Variants in UNC13C observed in about 807,000 individuals in gnomAD.
The protein encoded by UNC13C is unc-13 homolog C.
A neutral mutation model predicts 245.4 loss-of-function variants in UNC13C; 174 were observed. That is an observed-to-expected ratio of 0.71 (90% CI 0.63 to 0.80). The LOEUF (loss-of-function observed/expected upper bound fraction) is 0.80, where lower values mean the gene tolerates loss of function less well. Among genes scored for constraint, UNC13C ranks in the 30% least tolerant of loss-of-function variants. UNC13C has a pLI of 0.00. For missense variants in UNC13C, 2,829 were observed against 2,602.9 expected (o/e 1.09, Z -1.89); for synonymous variants, 992 against 895.1 (o/e 1.11, Z -1.93).
rs1390654479 is a variant in UNC13C, at chr15:54,623,926, T to A, written c.6331T>A (p.Ser2111Thr). 3 of 1,613,086 alleles carry A rather than the reference T, an allele frequency of 1.9e-6. No homozygotes were observed. The highest frequency in any genetic ancestry group is 2.5e-6 in the Non-Finnish European group (3 of 1,179,382). The change falls in exon 32 of 33, where the codon TCA becomes ACA. Residue 2111 changes from serine to threonine, a missense_variant. Ser to Thr is a moderately conservative substitution (Grantham distance 58). Coordinates refer to ENST00000260323, the MANE Select transcript of UNC13C (RefSeq NM_001080534.3). ...CACAAAAACAAAAAGCAACACATGGTCACCAAAGTACAATGAAACATTTCA... is the reference window on the plus strand; with the variant it reads ...CACAAAAACAAAAAGCAACACATGGACACCAAAGTACAATGAAACATTTCA... ...QGTKTKSNTW[S>T]PKYNETFQFI...
chr15:54,436,333 T>A (rs1179744219), intron 19 of UNC13C, among the ~76,000 whole-genome samples: 1 of 152,046 alleles, frequency 6.6e-6, no homozygotes, highest in Non-Finnish European at 1.5e-5. Flanking sequence ...GGATTATAAA[T>A]CATTCTGCTA....
At chr15:54,501,481 G>A (rs1894211674) in intron 22 of UNC13C, among the ~76,000 whole-genome samples, 1 of 152,102 alleles carries the variant, frequency 6.6e-6, no homozygotes, top group Non-Finnish European at 1.5e-5. Context: ...GATAAACCAA[G>A]TTCATCTTAA....
chr15:53,935,019 A>G, the UNC13C span, among the ~76,000 whole-genome samples: 4 of 152,186 alleles, frequency 2.6e-5, no homozygotes, highest in Non-Finnish European at 5.9e-5. Flanking sequence ...TATTTTACAT[A>G]TGAAGGAGCC....
intron 18 of UNC13C, among the ~76,000 whole-genome samples, chr15:54,402,953 G>A (rs2040217129): frequency 6.6e-6 from 1 of 152,116 alleles, no homozygotes; most frequent in Admixed American, 6.6e-5. Flanking sequence ...ACCATATCAG[G>A]ATTTGTAGAG....
chr15:54,596,626 C>T (rs892119016), intron 30 of UNC13C, among the ~76,000 whole-genome samples: 2 of 152,118 alleles, frequency 1.3e-5, no homozygotes, highest in Admixed American at 6.5e-5. Context: ...TTTTCCAACT[C>T]GCATGTTGAC....
At chr15:53,861,474 A>C in the UNC13C span, among the ~76,000 whole-genome samples, 2 of 152,092 alleles carry the variant, frequency 1.3e-5, no homozygotes, top group African/African-American at 4.8e-5. Context: ...TCTTTCTATC[A>C]TAATAAAAAT....
chr15:54,501,538 T>C lies in UNC13C; in HGVS notation c.5301+560T>C, dbSNP rs370656564. Among the ~76,000 whole-genome samples the C allele has an allele frequency of 2.0e-4, 31 of 152,284 alleles. 1 individual carries two copies. The East Asian group carries it at 5.4e-3, about 27-fold the overall frequency. On this transcript the variant is annotated intron_variant, in intron 22 of 32. Transcript: ENST00000260323. Reference sequence around the variant, plus strand: ...CTAAAATGGCTTACCATGTGCTTACTACTTTCCCAAGAGTTTCAAGGGAAA... The same window carrying C: ...CTAAAATGGCTTACCATGTGCTTACCACTTTCCCAAGAGTTTCAAGGGAAA...
chr15:54,321,603 AG>A (rs1286706294), intron 13 of UNC13C: 1 of 365,582 alleles, frequency 2.7e-6, no homozygotes, highest in African/African-American at 2.1e-5. Flanking sequence ...CTTTTTTCAA[AG>A]CTTAACCCTC....
intron 4 of UNC13C, among the ~76,000 whole-genome samples, chr15:54,162,616 C>T (rs986758071): frequency 1.3e-5 from 2 of 152,182 alleles, no homozygotes; most frequent in Admixed American, 1.3e-4. Flanking sequence ...TCCATTGAGA[C>T]CAGCTCCAGG....
At chr15:53,909,951 T>C in the UNC13C span, among the ~76,000 whole-genome samples, 2 of 145,470 alleles carry the variant, frequency 1.4e-5, no homozygotes, top group South Asian at 4.6e-4. Flanking sequence ...TAGTTTTCTT[T>C]CTTTGATGAA....
intron 2 of UNC13C, among the ~76,000 whole-genome samples, chr15:54,124,799 A>T (rs1163793629): frequency 7.8e-6 from 1 of 128,004 alleles, no homozygotes; most frequent in African/African-American, 3.0e-5. Context: ...TTTTGCAAAA[A>T]ATGTGAAGTT....
chr15:54,416,286 A>G (rs2040519061), intron 19 of UNC13C, among the ~76,000 whole-genome samples: 1 of 152,174 alleles, frequency 6.6e-6, no homozygotes, highest in Non-Finnish European at 1.5e-5. Context: ...GTTCGTGTTT[A>G]TCATGCTAAT....
At chr15:54,595,606 C>A (rs189902722) in intron 30 of UNC13C, among the ~76,000 whole-genome samples, 49 of 152,220 alleles carry the variant, frequency 3.2e-4, no homozygotes, top group African/African-American at 1.1e-3. Flanking sequence ...TAAGTAGATT[C>A]TTAATTATGG....
the UNC13C span, among the ~76,000 whole-genome samples, chr15:53,901,638 A>AT: frequency 6.6e-5 from 10 of 152,278 alleles, no homozygotes; most frequent in African/African-American, 2.4e-4. Context: ...TGAAATTAAC[A>AT]TTTTTGTATA....
the UNC13C span, among the ~76,000 whole-genome samples, chr15:53,849,948 T>C: frequency 6.6e-6 from 1 of 152,212 alleles, no homozygotes; most frequent in Admixed American, 6.5e-5. Context: ...GCATATATTT[T>C]AATATTTTCC....
At chr15:54,024,053 A>G (rs962060384) in intron 2 of UNC13C, among the ~76,000 whole-genome samples, 1 of 152,206 alleles carries the variant, frequency 6.6e-6, no homozygotes, top group Non-Finnish European at 1.5e-5. Flanking sequence ...GGATAGCCTA[A>G]TCAATTATGA....
At chr15:53,938,136 C>A in the UNC13C span, among the ~76,000 whole-genome samples, 1 of 152,042 alleles carries the variant, frequency 6.6e-6, no homozygotes, top group Non-Finnish European at 1.5e-5. Flanking sequence ...CTTCAAGAGA[C>A]CCATCTCATG....
chr15:54,087,953 G>C (rs1385845471), intron 2 of UNC13C, among the ~76,000 whole-genome samples: 1 of 152,032 alleles, frequency 6.6e-6, no homozygotes, highest in East Asian at 1.9e-4. Flanking sequence ...AACAAAACTA[G>C]TCAACATGTA....
chr15:54,565,144 A>T (rs139015799), intron 29 of UNC13C, among the ~76,000 whole-genome samples: 1 of 151,938 alleles, frequency 6.6e-6, no homozygotes, highest in African/African-American at 2.4e-5. Flanking sequence ...ACAGAATTGC[A>T]TGCCTCCCCC....
Sources: gnomAD v4.1 joint callset for allele counts (sites outside exome capture counted in the v4.1 genomes callset) on GRCh38, gnomAD v4.1.1 for gene constraint, MANE v1.5 for transcripts, NCBI Gene and HGNC (gene_info 2026-07-23, HGNC 2026-07-21) for gene names.